Variants in HPCAL1 observed in about 807,000 individuals in gnomAD.
HPCAL1 encodes hippocalcin-like protein 1.
A neutral mutation model predicts 17.1 loss-of-function variants in HPCAL1; 8 were observed. That is an observed-to-expected ratio of 0.47 (90% CI 0.27 to 0.84). HPCAL1 has a LOEUF of 0.84. HPCAL1 is among the 40% of genes least tolerant of loss of function. HPCAL1 has a pLI of 0.13. For synonymous variants in HPCAL1, 112 were observed against 111.4 expected (o/e 1.01, Z -0.03); for missense variants, 165 against 271.1 (o/e 0.61, Z 2.75).
At chr2:10,415,215 G>A (rs890780829) in intron 2 of HPCAL1, among the ~76,000 whole-genome samples, 4 of 151,520 alleles carry the variant, frequency 2.6e-5, no homozygotes, top group South Asian at 2.1e-4. Flanking sequence ...ATGGAGGGCC[G>A]GCCCTGGGCT....
rs1294242447 is a variant in HPCAL1, at chr2:10,323,310, T to C, written c.-111+20133T>C. Among the ~76,000 whole-genome samples the C allele has an allele frequency of 6.6e-6, 1 of 152,240 alleles. No individual in the cohort carries two copies. The highest frequency in any genetic ancestry group is 2.4e-5 in the African/African-American group (1 of 41,464). On this transcript the variant is annotated intron_variant, in intron 1 of 4. Coordinates refer to ENST00000307845, the MANE Select transcript of HPCAL1 (RefSeq NM_002149.4). The surrounding 1 kb of genome is among the most constrained non-coding windows in gnomAD (Gnocchi z 4.6). ...CTTTCTCAGTTGTCCCCTGTGCCTC[T>C]TGTACCCTAACTTCAGTGTTAGAGC...
At chr2:10,398,600 G>A (rs535224462) in intron 2 of HPCAL1, among the ~76,000 whole-genome samples, 5 of 152,260 alleles carry the variant, frequency 3.3e-5, no homozygotes, top group African/African-American at 9.6e-5. Flanking sequence ...GACCCCGGGC[G>A]TGGCTGCTTT....
chr2:10,425,610 T>C (rs1160308920), intron 4 of HPCAL1: 1 of 152,314 alleles, frequency 6.6e-6, no homozygotes, highest in Non-Finnish European at 1.5e-5. Context: ...GGTGTTCCCA[T>C]TATCCCACCT....
Position 10,331,384 on chromosome 2 carries a change from G to A in HPCAL1, c.-111+28207G>A, listed in dbSNP as rs1008097712. ...CTCCTGCGTTTCCTCCTGTCTCCCC[G>A]GGGAGCTCGGAGTTCTGCAGGCACG... On this transcript the variant is annotated intron_variant, in intron 1 of 4. Coordinates refer to ENST00000307845, the MANE Select transcript of HPCAL1 (RefSeq NM_002149.4). The surrounding 1 kb of genome is among the most constrained non-coding windows in gnomAD (Gnocchi z 5.0). Among the ~76,000 whole-genome samples the A allele has an allele frequency of 2.6e-5, 4 of 152,118 alleles. No homozygotes were observed. The highest frequency in any genetic ancestry group is 1.3e-4 in the Admixed American group (2 of 15,284).
At chr2:10,400,722 A>C (rs1449511621) in intron 2 of HPCAL1, among the ~76,000 whole-genome samples, 1 of 152,144 alleles carries the variant, frequency 6.6e-6, no homozygotes, top group Non-Finnish European at 1.5e-5. Context: ...TCTGACAAGC[A>C]TTGTGGGCAG....
intron 3 of HPCAL1, 49 bp from the exon 4 acceptor site, chr2:10,422,934 G>A (rs746601743): frequency 4.1e-5 from 57 of 1,398,246 alleles, no homozygotes; most frequent in South Asian, 4.7e-5. Flanking sequence ...TGCTGCACCC[G>A]CCCAAGCCCC....
chr2:10,333,586 G>A (rs1225109428), intron 1 of HPCAL1, among the ~76,000 whole-genome samples: 1 of 152,164 alleles, frequency 6.6e-6, no homozygotes, highest in Non-Finnish European at 1.5e-5. Context: ...TCTCAGAGCT[G>A]GTGTGCTTTG....
chr2:10,385,355 C>T (rs1156295580), intron 1 of HPCAL1, among the ~76,000 whole-genome samples: 3 of 78,004 alleles, frequency 3.8e-5, no homozygotes, highest in African/African-American at 7.5e-5. Flanking sequence ...GGTCACTTGT[C>T]GGGAATGCAG....
rs780044167 is a variant in HPCAL1, at chr2:10,396,819, C to T, written c.-110-16C>T. On this transcript the variant is annotated splice_polypyrimidine_tract_variant and intron_variant, in intron 1 of 4. Transcript: ENST00000307845. ...GGTCGTCACAGCCTGCGTGACCTGT[C>T]GCTCTTCTCTTCCAGGGGCATGGTC... 7.9e-5 allele frequency: 12 copies of T among 152,398 alleles called. No homozygotes were observed. The South Asian group carries it at 1.4e-3, about 18-fold the overall frequency. 9.4% of individuals were successfully genotyped at this position (152,398 alleles called of 1,614,324 possible). A position where few individuals can be genotyped will look rare whatever the true frequency, so the allele number is the denominator to read the frequency against.
chr2:10,378,723 G>A (rs768011262), intron 1 of HPCAL1, among the ~76,000 whole-genome samples: 6 of 152,184 alleles, frequency 3.9e-5, no homozygotes, highest in Admixed American at 1.3e-4. Context: ...GGGCACAGCC[G>A]TTCAGTCCAT....
At chr2:10,420,533 TC>T (rs1049292715) in intron 3 of HPCAL1, among the ~76,000 whole-genome samples, 36 of 151,848 alleles carry the variant, frequency 2.4e-4, no homozygotes, top group African/African-American at 8.7e-4. Context: ...ATTGGGTCTT[TC>T]TTGGCCAGGT....
At position 10,365,306 on chromosome 2, in the gene HPCAL1, T is replaced by G. The variant is rs115478397; in HGVS notation, c.-110-31529T>G. Among the ~76,000 whole-genome samples the G allele has an allele frequency of 0.014, 2,175 of 152,300 alleles. 65 individuals are homozygous for G. Among genetic ancestry groups the G allele is most frequent in the African/African-American group, 0.049 (2,044 of 41,564 alleles). Reference sequence around the variant, plus strand: ...CCAGTGGGTGCCCTCACTGTGCACCTGCCTCCAGGTGGTGGCGCGGTAATT... The same window carrying G: ...CCAGTGGGTGCCCTCACTGTGCACCGGCCTCCAGGTGGTGGCGCGGTAATT... On this transcript the variant is annotated intron_variant, in intron 1 of 4. Coordinates refer to ENST00000307845, the MANE Select transcript of HPCAL1 (RefSeq NM_002149.4). The surrounding 1 kb of genome is among the most constrained non-coding windows in gnomAD (Gnocchi z 4.8).
chr2:10,382,873 G>A (rs1277068916), intron 1 of HPCAL1, among the ~76,000 whole-genome samples: 2 of 152,188 alleles, frequency 1.3e-5, no homozygotes, highest in African/African-American at 4.8e-5. Context: ...ACACCACAGG[G>A]CACTCAGCCC....
At chr2:10,424,481 G>A (rs1222149203) in intron 4 of HPCAL1, 1 of 470,900 alleles carries the variant, frequency 2.1e-6, no homozygotes, top group Admixed American at 2.3e-5. Flanking sequence ...CTTTTAGCAG[G>A]GCTTGCACTC....
chr2:10,380,576 G>A (rs1450044900), intron 1 of HPCAL1, among the ~76,000 whole-genome samples: 1 of 152,190 alleles, frequency 6.6e-6, no homozygotes, highest in Non-Finnish European at 1.5e-5. Context: ...TTCCTGCAGG[G>A]CTGAGCTACT....
Position 10,342,182 on chromosome 2 carries a change from A to C in HPCAL1, c.-111+39005A>C, listed in dbSNP as rs956243238. 3.3e-5 allele frequency among the ~76,000 whole-genome samples: 5 copies of C among 151,984 alleles called. No homozygotes were observed. Among genetic ancestry groups the C allele is most frequent in the African/African-American group, 1.2e-4 (5 of 41,360 alleles). On this transcript the variant is annotated intron_variant, in intron 1 of 4. Transcript: ENST00000307845. The surrounding 1 kb of genome is among the most constrained non-coding windows in gnomAD (Gnocchi z 4.1). ...GACCTTGTCTGTAAAAATAATAATA[A>C]TAATAATAAAGCTTTGCTCCCCGTT... is the stretch of plus-strand genomic sequence containing the variant.
At position 10,426,920 on chromosome 2, in the gene HPCAL1, C is replaced by T. The variant is rs11894630; in HGVS notation, c.*99C>T. 5.7e-4 allele frequency: 659 copies of T among 1,149,180 alleles called. 7 individuals are homozygous for T. In the African/African-American group the frequency reaches 8.3e-3, roughly 15 times the overall value. 71.2% of individuals were successfully genotyped at this position (1,149,180 alleles called of 1,614,324 possible). On this transcript the variant is annotated 3_prime_UTR_variant, in exon 5 of 5. Coordinates refer to ENST00000307845, the MANE Select transcript of HPCAL1 (RefSeq NM_002149.4). ...TGCCCCGCAATCGTTCCTGCTCTCC[C>T]GGGCCCCGGGCCTGGGGCATGCGTT...
intron 1 of HPCAL1, among the ~76,000 whole-genome samples, chr2:10,386,760 G>A (rs1265192369): frequency 2.0e-5 from 3 of 152,158 alleles, no homozygotes; most frequent in Non-Finnish European, 2.9e-5. Context: ...GCCAGCTGGA[G>A]CACCCCCCAC....
chr2:10,398,866 A>G (rs1428489075), intron 2 of HPCAL1, among the ~76,000 whole-genome samples: 1 of 151,944 alleles, frequency 6.6e-6, no homozygotes, highest in Non-Finnish European at 1.5e-5. Context: ...AGAAAAAAGT[A>G]TTTTTCTCAG....
Sources: gnomAD v4.1 joint callset for allele counts (sites outside exome capture counted in the v4.1 genomes callset) on GRCh38, gnomAD v4.1.1 for gene constraint, Gnocchi (gnomAD v3.1) non-coding constraint, MANE v1.5 for transcripts, NCBI Gene and HGNC (gene_info 2026-07-23, HGNC 2026-07-21) for gene names.